CMTR1: variants seen among roughly 807,000 people sequenced by gnomAD.
The protein encoded by CMTR1 is cap methyltransferase 1, also known as cap-specific mRNA (nucleoside-2'-O-)-methyltransferase 1.
A neutral mutation model predicts 107.0 loss-of-function variants in CMTR1; 39 were observed. The ratio of observed to expected loss-of-function variants is 0.36; its 90% CI spans 0.28 to 0.48. CMTR1 has a LOEUF of 0.48. Among genes scored for constraint, CMTR1 ranks in the 20% least tolerant of loss-of-function variants. The pLI, the probability that CMTR1 is intolerant of heterozygous loss-of-function variation, is 0.99. For missense variants in CMTR1, 672 were observed against 1,064.9 expected, an observed-to-expected ratio of 0.63 and a Z score of 5.14; for synonymous variants, 366 against 379.5, an observed-to-expected ratio of 0.96 and a Z score of 0.41.
intron 8 of CMTR1, among the ~76,000 whole-genome samples, chr6:37,455,939 G>C (rs915919452): frequency 2.0e-5 from 3 of 152,192 alleles, no homozygotes; most frequent in Non-Finnish European, 4.4e-5. Context: ...TTGTGTGCTT[G>C]TCCTTAACTG....
intron 2 of CMTR1, 87 bp downstream of exon 2, chr6:37,435,849 C>T: frequency 2.9e-6 from 4 of 1,391,736 alleles, no homozygotes; most frequent in Non-Finnish European, 3.8e-6. Flanking sequence ...GACTATAGTC[C>T]ACTGCCCCTT....
chr6:37,451,437 G>A (rs901312484), intron 5 of CMTR1, among the ~76,000 whole-genome samples: 13 of 152,110 alleles, frequency 8.5e-5, no homozygotes, highest in African/African-American at 3.1e-4. Context: ...AGGCTTCCTG[G>A]TGGAAGGACA....
rs1771924954 is a variant in CMTR1 at position 37,450,422 on chromosome 6, C to T, written c.537+79C>T. On this transcript the variant is annotated intron_variant, in intron 5 of 23. Coordinates refer to ENST00000373451, the MANE Select transcript of CMTR1 (RefSeq NM_015050.3). ...CTTGCTCGAGTCTGGTATTTACATA[C>T]ACTTGCAGTTTAAGAAAAATGTGAA... 9 of 1,048,538 alleles carry T rather than the reference C, an allele frequency of 8.6e-6. No homozygotes were observed. In the South Asian group the frequency reaches 9.1e-5, roughly 11 times the overall value. The allele number at this position is 1,048,538 out of a possible 1,614,324, so 65.0% of individuals were successfully genotyped here.
rs768320389 is a variant in CMTR1, at chr6:37,450,345, T to C, written c.537+2T>C. 6.2e-7 allele frequency: 1 copy of C among 1,612,958 alleles called. No homozygotes were observed. The highest frequency in any genetic ancestry group is 1.1e-5 in the South Asian group (1 of 91,052). On this transcript the variant is annotated splice_donor_variant, in intron 5 of 23. Transcript: ENST00000373451. LOFTEE classifies it high-confidence loss of function. Reference sequence around the variant, plus strand: ...AGCGATTGGATGGTGGTGGGAAAGGTAGGCTTTCAGGAAAACGTACCCTGA... The same window carrying C: ...AGCGATTGGATGGTGGTGGGAAAGGCAGGCTTTCAGGAAAACGTACCCTGA...
intron 13 of CMTR1, among the ~76,000 whole-genome samples, chr6:37,464,194 A>G (rs1226149382): frequency 6.6e-6 from 1 of 152,196 alleles, no homozygotes; most frequent in Non-Finnish European, 1.5e-5. Flanking sequence ...GGCCGGGCGT[A>G]GTGGCTCACA....
At chr6:37,450,760 CT>C (rs1289962032) in intron 5 of CMTR1, among the ~76,000 whole-genome samples, 1 of 152,220 alleles carries the variant, frequency 6.6e-6, no homozygotes, top group African/African-American at 2.4e-5. Context: ...AAGTAGATGG[CT>C]ACCAAATCAA....
At chr6:37,474,380 AT>A (rs1449186212) in intron 17 of CMTR1, 143 bp from the exon 18 acceptor site, 4 of 929,454 alleles carry the variant, frequency 4.3e-6, no homozygotes, top group Non-Finnish European at 6.5e-6. Context: ...AGTATAATGG[AT>A]TTAATCTCTC....
At chr6:37,427,581 G>T in the CMTR1 span, among the ~76,000 whole-genome samples, 2 of 152,116 alleles carry the variant, frequency 1.3e-5, no homozygotes, top group African/African-American at 2.4e-5. This position sits in a 1 kb window ranked among gnomAD's most constrained non-coding sequence, Gnocchi z 4.4. Context: ...AATGTTATAT[G>T]TTTTGCTTTT....
chr6:37,473,459 C>T lies in CMTR1; in HGVS notation c.1690-11C>T. On this transcript the variant is annotated splice_polypyrimidine_tract_variant and intron_variant, in intron 16 of 23. Transcript: ENST00000373451. ...CAACCCGGCAGTGTTTTCTCTGACTCGTGGCTGCAGGGCACTGAGATTGAC... is the reference window on the plus strand; with the variant it reads ...CAACCCGGCAGTGTTTTCTCTGACTTGTGGCTGCAGGGCACTGAGATTGAC... The T allele has an allele frequency of 4.3e-6, 7 of 1,610,932 alleles. No homozygotes were observed. The highest frequency in any genetic ancestry group is 5.9e-6 in the Non-Finnish European group (7 of 1,178,224).
chr6:37,434,982 G>C (rs981677112), intron 1 of CMTR1, among the ~76,000 whole-genome samples: 9 of 152,094 alleles, frequency 5.9e-5, no homozygotes, highest in African/African-American at 2.2e-4. Flanking sequence ...GAGTTCTGTG[G>C]TATAGCTACC....
rs537160335 is a variant in CMTR1 at position 37,434,261 on chromosome 6, A to G, written c.-7+884A>G. On this transcript the variant is annotated intron_variant, in intron 1 of 23. Transcript: ENST00000373451. Reference sequence around the variant, plus strand: ...AAGGTGGCGGTTGTGCATTGGGTTGATTGGCTCTTCCTTGAGTTGGAGAGA... The same window carrying G: ...AAGGTGGCGGTTGTGCATTGGGTTGGTTGGCTCTTCCTTGAGTTGGAGAGA... Among the ~76,000 whole-genome samples the G allele has an allele frequency of 2.0e-5, 3 of 152,132 alleles. No individual in the cohort carries two copies. The South Asian group carries it at 6.2e-4, about 32-fold the overall frequency.
intron 20 of CMTR1, 144 bp from the exon 21 acceptor site, chr6:37,477,448 C>T (rs779083951): frequency 4.1e-6 from 3 of 727,250 alleles, no homozygotes; most frequent in Admixed American, 1.8e-5. Flanking sequence ...GGCTTGGTGT[C>T]CTCGCTGCCG....
intron 4 of CMTR1, among the ~76,000 whole-genome samples, chr6:37,448,893 G>C (rs1169038002): frequency 1.3e-5 from 2 of 152,170 alleles, no homozygotes; most frequent in Non-Finnish European, 2.9e-5. Flanking sequence ...CTTCAGACCA[G>C]CAGAATCTTA....
At chr6:37,479,019 G>T in intron 22 of CMTR1, 128 bp from the exon 23 acceptor site, 2 of 640,774 alleles carry the variant, frequency 3.1e-6, no homozygotes, top group South Asian at 1.8e-5. Flanking sequence ...GCTGCCTCAC[G>T]GGCTATTCCC....
intron 3 of CMTR1, among the ~76,000 whole-genome samples, chr6:37,445,589 T>C (rs908284385): frequency 5.3e-5 from 8 of 149,742 alleles, no homozygotes; most frequent in African/African-American, 1.7e-4. Context: ...CCTGGGTTCA[T>C]GCCATTGTCC....
intron 5 of CMTR1, among the ~76,000 whole-genome samples, 170 bp downstream of exon 5, chr6:37,450,513 T>C (rs1771927695): frequency 6.6e-6 from 1 of 152,228 alleles, no homozygotes; most frequent in Non-Finnish European, 1.5e-5. Flanking sequence ...TTTACAAGTA[T>C]GCCCCTTGGA....
intron 2 of CMTR1, among the ~76,000 whole-genome samples, chr6:37,435,976 T>G (rs996135780): frequency 6.6e-6 from 1 of 152,162 alleles, no homozygotes. Context: ...AAAATGGTAA[T>G]TTTTCCAGAA....
intron 4 of CMTR1, among the ~76,000 whole-genome samples, chr6:37,447,557 C>A (rs567427816): frequency 6.6e-6 from 1 of 152,336 alleles, no homozygotes; most frequent in South Asian, 2.1e-4. Flanking sequence ...TCACTAAACT[C>A]AAAATCTGAA....
In CMTR1 at chr6:37,480,526, A is replaced by G; in HGVS notation, c.*381A>G. 3.7e-6 allele frequency: 4 copies of G among 1,083,568 alleles called. No individual in the cohort carries two copies. Among genetic ancestry groups the G allele is most frequent in the Non-Finnish European group, 4.5e-6 (4 of 892,314 alleles). The allele number at this position is 1,083,568 out of a possible 1,614,324, so 67.1% of individuals were successfully genotyped here. A position where few individuals can be genotyped will look rare whatever the true frequency, so the allele number is the denominator to read the frequency against. ...AGACTCACTTTTCTGAGTTCCATGCACTGCCCTGAGGGTAGCCATGCCCTT... is the reference window on the plus strand; with the variant it reads ...AGACTCACTTTTCTGAGTTCCATGCGCTGCCCTGAGGGTAGCCATGCCCTT... On this transcript the variant is annotated 3_prime_UTR_variant, in exon 24 of 24. Coordinates refer to ENST00000373451, the MANE Select transcript of CMTR1 (RefSeq NM_015050.3).
Sources: gnomAD v4.1 joint callset for allele counts (sites outside exome capture counted in the v4.1 genomes callset) on GRCh38, gnomAD v4.1.1 for gene constraint, Gnocchi (gnomAD v3.1) non-coding constraint, MANE v1.5 for transcripts, NCBI Gene and HGNC (gene_info 2026-07-23, HGNC 2026-07-21) for gene names.